Variants in NRG3 observed in about 807,000 individuals in gnomAD.
The protein encoded by NRG3 is neuregulin 3.
Under a neutral mutation model 66.9 loss-of-function variants are expected in NRG3, and 31 were observed. That is an observed-to-expected ratio of 0.46 (90% CI 0.35 to 0.63). The LOEUF is 0.63. Among genes scored for constraint, NRG3 ranks in the 20% least tolerant of loss-of-function variants. The pLI, the probability that NRG3 is intolerant of heterozygous loss-of-function variation, is 0.00. For synonymous variants in NRG3, 393 were observed against 359.4 expected (o/e 1.09, Z -1.06); for missense variants, 910 against 878.9 (o/e 1.04, Z -0.45).
At chr10:82,847,286 AC>A (rs2063349777) in intron 3 of NRG3, among the ~76,000 whole-genome samples, 1 of 152,228 alleles carries the variant, frequency 6.6e-6, no homozygotes, top group South Asian at 2.1e-4. Flanking sequence ...CCTACATGGT[AC>A]AAAGAAGGCT....
chr10:82,209,115 C>T (rs1162571390), intron 1 of NRG3, among the ~76,000 whole-genome samples: 1 of 152,152 alleles, frequency 6.6e-6, no homozygotes, highest in African/African-American at 2.4e-5. Context: ...TTCAAGGAAT[C>T]TGTTAAAATA....
intron 8 of NRG3, among the ~76,000 whole-genome samples, chr10:82,979,553 G>A (rs1852632968): frequency 6.6e-6 from 1 of 152,096 alleles, no homozygotes; most frequent in Admixed American, 6.6e-5. Context: ...CTTCCCCTGA[G>A]CTTGAATGTA....
intron 1 of NRG3, among the ~76,000 whole-genome samples, chr10:82,234,159 C>T (rs527565748): frequency 1.3e-5 from 2 of 152,276 alleles, no homozygotes; most frequent in Admixed American, 1.3e-4. Flanking sequence ...CTAGCATAAC[C>T]TGTTCACTTC....
chr10:82,833,248 G>A (rs2062615560), intron 3 of NRG3, among the ~76,000 whole-genome samples: 1 of 152,130 alleles, frequency 6.6e-6, no homozygotes, highest in African/African-American at 2.4e-5. Flanking sequence ...TTAATTGTCA[G>A]ATGTTGTCAC....
chr10:82,175,660 G>A (rs576200043), intron 1 of NRG3, among the ~76,000 whole-genome samples: 2 of 152,240 alleles, frequency 1.3e-5, no homozygotes, highest in African/African-American at 4.8e-5. Flanking sequence ...CTCATTATGT[G>A]GTTAGCTGTT....
chr10:82,021,857 C>A (rs1292087603), intron 1 of NRG3, among the ~76,000 whole-genome samples: 1 of 146,676 alleles, frequency 6.8e-6, no homozygotes, highest in Admixed American at 6.8e-5. Context: ...GTTAAGTCTT[C>A]CTGATTTGAA....
chr10:82,272,442 A>G (rs1199262862), intron 1 of NRG3, among the ~76,000 whole-genome samples: 1 of 152,052 alleles, frequency 6.6e-6, no homozygotes, highest in Non-Finnish European at 1.5e-5. Context: ...AGTGAAACAT[A>G]AAGATGGTAG....
At chr10:82,242,736 A>C (rs2077058915) in intron 1 of NRG3, among the ~76,000 whole-genome samples, 1 of 152,156 alleles carries the variant, frequency 6.6e-6, no homozygotes, top group East Asian at 1.9e-4. Context: ...GTAAGAAAGA[A>C]AAAGTGAAGT....
At chr10:82,659,485 T>C (rs1224537886) in intron 2 of NRG3, among the ~76,000 whole-genome samples, 1 of 151,902 alleles carries the variant, frequency 6.6e-6, no homozygotes, top group African/African-American at 2.4e-5. Context: ...CTATTAAAAA[T>C]ACAAAAAATT....
At chr10:82,744,408 C>T (rs2058557665) in intron 3 of NRG3, among the ~76,000 whole-genome samples, 1 of 152,150 alleles carries the variant, frequency 6.6e-6, no homozygotes, top group African/African-American at 2.4e-5. Flanking sequence ...AGGGTGCATT[C>T]TCTGTTTCCT....
In NRG3 at chr10:82,330,674, G is replaced by A. The variant is rs3862548; in HGVS notation, c.824-28065G>A. On this transcript the variant is annotated intron_variant, in intron 1 of 8. Coordinates refer to ENST00000372141, the MANE Select transcript of NRG3 (RefSeq NM_001010848.4). ...TATTTTTAAACCTTTGATAAATAGC[G>A]TTTTCCATACTGTTTCCTACCTCGT... is the stretch of plus-strand genomic sequence containing the variant. Among the ~76,000 whole-genome samples, 534 of 152,226 alleles carry A rather than the reference G, an allele frequency of 3.5e-3. 10 individuals carry two copies. The highest frequency in any genetic ancestry group is 0.012 in the African/African-American group (490 of 41,544).
intron 3 of NRG3, among the ~76,000 whole-genome samples, chr10:82,811,957 C>A (rs1282375824): frequency 1.3e-5 from 2 of 152,196 alleles, no homozygotes; most frequent in Non-Finnish European, 2.9e-5. Context: ...CACACCAGAG[C>A]TTGGCAAGCA....
Position 82,321,254 on chromosome 10 carries a change from G to A in NRG3, c.824-37485G>A, listed in dbSNP as rs957545613. Among the ~76,000 whole-genome samples the A allele has an allele frequency of 4.0e-5, 6 of 150,842 alleles. No homozygotes were observed. In the South Asian group the frequency reaches 8.4e-4, roughly 21 times the overall value. On this transcript the variant is annotated intron_variant, in intron 1 of 8. Transcript: ENST00000372141. ...CCAGTAAAGGGTTTGAGCGCATGGTGGCTGAACAGGTAAGCCACACCCCTG... is the reference window on the plus strand; with the variant it reads ...CCAGTAAAGGGTTTGAGCGCATGGTAGCTGAACAGGTAAGCCACACCCCTG...
At chr10:82,672,921 TTG>T (rs1218940871) in intron 2 of NRG3, among the ~76,000 whole-genome samples, 1 of 152,156 alleles carries the variant, frequency 6.6e-6, no homozygotes, top group Non-Finnish European at 1.5e-5. Context: ...GGCTAATTTT[TTG>T]TGTTTTCAGT....
intron 1 of NRG3, among the ~76,000 whole-genome samples, chr10:82,335,586 T>C (rs1290548503): frequency 6.6e-6 from 1 of 152,080 alleles, no homozygotes; most frequent in Non-Finnish European, 1.5e-5. Context: ...TAAGGCAGCA[T>C]TGAGCCATGA....
chr10:82,268,308 C>A (rs1350400070), intron 1 of NRG3, among the ~76,000 whole-genome samples: 2 of 152,116 alleles, frequency 1.3e-5, no homozygotes, highest in African/African-American at 2.4e-5. Flanking sequence ...GAATATTTTG[C>A]TCAAGTCATT....
At chr10:82,666,024 G>T (rs1591083338) in intron 2 of NRG3, among the ~76,000 whole-genome samples, 1 of 152,272 alleles carries the variant, frequency 6.6e-6, no homozygotes, top group South Asian at 2.1e-4. Context: ...ACCATGCCCA[G>T]CTAATTTTTG....
At chr10:82,035,619 A>G (rs921410248) in intron 1 of NRG3, among the ~76,000 whole-genome samples, 7 of 152,092 alleles carry the variant, frequency 4.6e-5, no homozygotes, top group Admixed American at 1.3e-4. Flanking sequence ...AATATTTCCT[A>G]TGACTTACTG....
At chr10:82,667,646 G>C (rs2052908075) in intron 2 of NRG3, among the ~76,000 whole-genome samples, 1 of 151,974 alleles carries the variant, frequency 6.6e-6, no homozygotes, top group Non-Finnish European at 1.5e-5. Flanking sequence ...ATCTACCCTG[G>C]GGCACCCCCA....
Sources: gnomAD v4.1 joint callset for allele counts (sites outside exome capture counted in the v4.1 genomes callset) on GRCh38, gnomAD v4.1.1 for gene constraint, MANE v1.5 for transcripts, NCBI Gene and HGNC (gene_info 2026-07-23, HGNC 2026-07-21) for gene names.